VPS51: variants seen among roughly 807,000 people sequenced by gnomAD.
VPS51 encodes the protein VPS51 subunit of GARP complex.
Under a neutral mutation model 65.1 loss-of-function variants are expected in VPS51, and 55 were observed. The ratio of observed to expected loss-of-function variants is 0.84; its 90% CI spans 0.68 to 1.06. The LOEUF is 1.06. Ranked by LOEUF, VPS51 falls within the 50% of genes least tolerant of loss-of-function variation. The pLI is 0.00. For synonymous variants in VPS51, 473 were observed against 489.5 expected, an observed-to-expected ratio of 0.97 and a Z score of 0.44; for missense variants, 943 against 1,101.6, an observed-to-expected ratio of 0.86 and a Z score of 2.04.
Position 65,111,809 on chromosome 11 carries a change from T to G in VPS51, c.*222T>G. 1.0e-6 allele frequency: 1 copy of G among 952,854 alleles called. No individual in the cohort carries two copies. The highest frequency in any genetic ancestry group is 1.7e-5 in the African/African-American group (1 of 60,516). 59.0% of individuals were successfully genotyped at this position (952,854 alleles called of 1,614,324 possible). A position where few individuals can be genotyped will look rare whatever the true frequency, so the allele number is the denominator to read the frequency against. On this transcript the variant is annotated 3_prime_UTR_variant, in exon 10 of 10. Coordinates refer to ENST00000279281, the MANE Select transcript of VPS51 (RefSeq NM_013265.4). Reference sequence around the variant, plus strand: ...GCCCCCGAGCGCCGATTGGCTGGTGTGCTGGGCCCAGCATGGGCAGGGGGC... The same window carrying G: ...GCCCCCGAGCGCCGATTGGCTGGTGGGCTGGGCCCAGCATGGGCAGGGGGC...
In VPS51 at chr11:65,111,676, A is replaced by T; in HGVS notation, c.*89A>T. ...TGGTCCTTCCCCGCAGGCAGGTGTC[A>T]GGACCGGCCTAATAAACATGTGTGG... On this transcript the variant is annotated 3_prime_UTR_variant, in exon 10 of 10. Coordinates refer to ENST00000279281, the MANE Select transcript of VPS51 (RefSeq NM_013265.4). 6.8e-7 allele frequency: 1 copy of T among 1,468,032 alleles called. No homozygotes were observed. Among genetic ancestry groups the T allele is most frequent in the Non-Finnish European group, 9.0e-7 (1 of 1,110,566 alleles). 90.9% of individuals were successfully genotyped at this position (1,468,032 alleles called of 1,614,324 possible). A position where few individuals can be genotyped will look rare whatever the true frequency, so the allele number is the denominator to read the frequency against.
Position 65,097,088 on chromosome 11 carries a change from C to T in VPS51, c.319C>T (p.Leu107=), listed in dbSNP as rs1947776316. 1 of 1,613,850 alleles carries T rather than the reference C, an allele frequency of 6.2e-7. No homozygotes were observed. Among genetic ancestry groups the T allele is most frequent in the South Asian group, 1.1e-5 (1 of 91,056 alleles). ...IRALDSDMQT[L]VYENYNKFIS... Reference sequence around the variant, plus strand: ...GGCTCTAGACAGCGACATGCAGACCCTGGTCTATGAGAACTACAACAAGTT... The same window carrying T: ...GGCTCTAGACAGCGACATGCAGACCTTGGTCTATGAGAACTACAACAAGTT... The change falls in exon 2 of 10, where the codon CTG becomes TTG. Residue 107 remains leucine (L), a synonymous_variant. Transcript: ENST00000279281.
Position 65,096,359 on chromosome 11 carries a change from C to G in VPS51, c.109C>G (p.Leu37Val), listed in dbSNP as rs1590808529. 3.9e-6 allele frequency: 6 copies of G among 1,533,206 alleles called. No homozygotes were observed. In the East Asian group the frequency reaches 1.5e-4, roughly 38 times the overall value. The allele number at this position is 1,533,206 out of a possible 1,614,324, so 95.0% of individuals were successfully genotyped here. Residue 37 changes from leucine (L) to valine (V), a missense_variant, in exon 1 of 10, where the codon CTG becomes GTG. Coordinates refer to ENST00000279281, the MANE Select transcript of VPS51 (RefSeq NM_013265.4). ...PERRRKAHGM[L>V]KLYYGLSEGE... ...GCGTCGGCGGAAGGCGCACGGGATG[C>G]TGAAGCTTTACTACGGCCTCTCGGA... is the stretch of plus-strand genomic sequence containing the variant.
At chr11:65,103,799 C>T (rs1947824375) in intron 2 of VPS51, among the ~76,000 whole-genome samples, 1 of 151,976 alleles carries the variant, frequency 6.6e-6, no homozygotes, top group African/African-American at 2.4e-5. Flanking sequence ...TTTGCATAAC[C>T]ACCAGCAAAG....
rs769010963 is a variant in VPS51, at chr11:65,108,566, C to T, written c.1095C>T (p.Asn365=). 6.4e-6 allele frequency: 10 copies of T among 1,561,324 alleles called. No individual in the cohort carries two copies. In the East Asian group the frequency reaches 2.3e-4, roughly 36 times the overall value. ...RLAQEQGGGD[N]SLLVRALDRF... is the part of the protein sequence containing the mutation. ...CGCAGGAGCAGGGTGGTGGTGACAA[C>T]TCACTGCTGGTGCGGGCGCTGGACC... Residue 365 remains asparagine (N), a synonymous_variant, in exon 5 of 10, where the codon AAC becomes AAT. Transcript: ENST00000279281.
rs755171676 is a variant in VPS51, at chr11:65,107,987, G to A, written c.690G>A (p.Thr230=). The A allele has an allele frequency of 6.1e-5, 94 of 1,551,310 alleles. No homozygotes were observed. The highest frequency in any genetic ancestry group is 7.4e-5 in the Non-Finnish European group (85 of 1,149,868). Residue 230 remains threonine, a synonymous_variant, in exon 4 of 10, where the codon ACG becomes ACA. Transcript: ENST00000279281. This position sits in a 1 kb window ranked among gnomAD's most constrained non-coding sequence, Gnocchi z 4.0. ...TCCAGGACGACTGCCAGGTCATCAC[G>A]GCCCGCCTGGCCCAGCAGCTGCGGC... The part of the protein sequence containing the change: ...RAIQDDCQVI[T]ARLAQQLRQR...
intron 1 of VPS51, 130 bp downstream of exon 1, chr11:65,096,608 G>A: frequency 2.4e-6 from 2 of 836,040 alleles, no homozygotes; most frequent in Non-Finnish European, 3.6e-6. Flanking sequence ...ATAAGAGGAC[G>A]AACCTCGGCC....
At position 65,110,607 on chromosome 11, in the gene VPS51, T is replaced by TG; in HGVS notation, c.2000+6dup. On this transcript the variant is annotated splice_donor_region_variant and intron_variant, in intron 8 of 9. Transcript: ENST00000279281. ...ACGCCCCCAGCTATACCCCCAGGTC[T>TG]GGCTGGTCAGGGGAGCCCCAGGGGG... The TG allele has an allele frequency of 1.2e-6, 2 of 1,614,054 alleles. No individual in the cohort carries two copies. Among genetic ancestry groups the TG allele is most frequent in the East Asian group, 4.5e-5 (2 of 44,882 alleles).
In VPS51 at chr11:65,096,490, CG is replaced by C; in HGVS notation, c.228+16del. 2.0e-6 allele frequency: 1 copy of C among 487,926 alleles called. No homozygotes were observed. Among genetic ancestry groups the C allele is most frequent in the Non-Finnish European group, 3.1e-6 (1 of 318,112 alleles). 30.2% of individuals were successfully genotyped at this position (487,926 alleles called of 1,614,324 possible). A position where few individuals can be genotyped will look rare whatever the true frequency, so the allele number is the denominator to read the frequency against. ...TTTACCTAGACAAGGTGTGTGCGCA[CG>C]GGGAGTGGGGGGGTGCGGGGAGGGG... On this transcript the variant is annotated intron_variant, in intron 1 of 9. Coordinates refer to ENST00000279281, the MANE Select transcript of VPS51 (RefSeq NM_013265.4).
chr11:65,107,855 C>A lies in VPS51; in HGVS notation c.558C>A (p.Arg186=). ...AGTTCCTCTTTGAGCTGCCCTCGCG[C>A]CTCACCAAGTGCGTGGAACTGGGCG... is the stretch of plus-strand genomic sequence containing the variant. ...KLQFLFELPS[R]LTKCVELGAY... Residue 186 remains arginine (R), a synonymous_variant, in exon 4 of 10, where the codon CGC becomes CGA. Coordinates refer to ENST00000279281, the MANE Select transcript of VPS51 (RefSeq NM_013265.4). This position sits in a 1 kb window ranked among gnomAD's most constrained non-coding sequence, Gnocchi z 4.0. 1 of 1,552,430 alleles carries A rather than the reference C, an allele frequency of 6.4e-7. No individual in the cohort carries two copies. The highest frequency in any genetic ancestry group is 2.4e-5 in the East Asian group (1 of 41,108).
rs182329166 is a variant in VPS51 at position 65,097,595 on chromosome 11, A to G, written c.358+468A>G. On this transcript the variant is annotated intron_variant, in intron 2 of 9. Coordinates refer to ENST00000279281, the MANE Select transcript of VPS51 (RefSeq NM_013265.4). The stretch of plus-strand genomic sequence containing the variant: ...GCCAGGCATGGTGGCTCATGCCTGT[A>G]ATCCCAGCACTTTGGGAGGCTGAAG... Among the ~76,000 whole-genome samples, 294 of 152,308 alleles carry G rather than the reference A, an allele frequency of 1.9e-3. 1 individual carries two copies. The highest frequency in any genetic ancestry group is 3.3e-3 in the Non-Finnish European group (225 of 68,022).
Position 65,107,506 on chromosome 11 carries a change from G to T in VPS51, c.359-75G>T. On this transcript the variant is annotated intron_variant, in intron 2 of 9. Coordinates refer to ENST00000279281, the MANE Select transcript of VPS51 (RefSeq NM_013265.4). This position sits in a 1 kb window ranked among gnomAD's most constrained non-coding sequence, Gnocchi z 4.0. ...CAAGCTGGGGCGTCTGTGAAGGGGT[G>T]GGTGAGAAGGAGCTGAGGTTGCGCC... 1 of 1,518,116 alleles carries T rather than the reference G, an allele frequency of 6.6e-7. No homozygotes were observed. Among genetic ancestry groups the T allele is most frequent in the East Asian group, 2.3e-5 (1 of 43,818 alleles). 94.0% of individuals were successfully genotyped at this position (1,518,116 alleles called of 1,614,324 possible).
Position 65,109,803 on chromosome 11 carries a change from C to T in VPS51, c.1758C>T (p.Val586=), listed in dbSNP as rs370597813. The change falls in exon 7 of 10, where the codon GTC becomes GTT. Residue 586 remains valine (V), a synonymous_variant. Coordinates refer to ENST00000279281, the MANE Select transcript of VPS51 (RefSeq NM_013265.4). ...ACTACGTGAAGGTGCAGGGCCTGGT[C>T]ATATCACAGATGCTGCGCAAGAGCG... ...LTHYVKVQGL[V]ISQMLRKSVE... is the part of the protein sequence containing the mutation. 338 of 1,609,206 alleles carry T rather than the reference C, an allele frequency of 2.1e-4. 1 individual carries two copies. Among genetic ancestry groups the T allele is most frequent in the Non-Finnish European group, 2.0e-4 (237 of 1,178,494 alleles).
At chr11:65,101,762 CAAA>C (rs1165429983) in intron 2 of VPS51, among the ~76,000 whole-genome samples, 5 of 26,336 alleles carry the variant, frequency 1.9e-4, no homozygotes, top group Admixed American at 6.2e-4. Flanking sequence ...GACCTTGTCT[CAAA>C]AAAAAAAAAA....
In VPS51 at chr11:65,111,707, T is replaced by A. The variant is rs3180595; in HGVS notation, c.*120T>A. 1 of 1,396,250 alleles carries A rather than the reference T, an allele frequency of 7.2e-7. No homozygotes were observed. Among genetic ancestry groups the A allele is most frequent in the Non-Finnish European group, 9.4e-7 (1 of 1,061,944 alleles). The allele number at this position is 1,396,250 out of a possible 1,614,324, so 86.5% of individuals were successfully genotyped here. ...GGCCTAATAAACATGTGTGGCCTCC[T>A]CCTCTCGCTTGCTGGGCGGGCCTTT... On this transcript the variant is annotated 3_prime_UTR_variant, in exon 10 of 10. Coordinates refer to ENST00000279281, the MANE Select transcript of VPS51 (RefSeq NM_013265.4).
In VPS51 at chr11:65,107,636, G is replaced by GT. The variant is rs761151320; in HGVS notation, c.414_415insT (p.Leu139SerfsTer44). On this transcript the variant is annotated frameshift_variant, in exon 3 of 10. Coordinates refer to ENST00000279281, the MANE Select transcript of VPS51 (RefSeq NM_013265.4). LOFTEE classifies it high-confidence loss of function. This position sits in a 1 kb window ranked among gnomAD's most constrained non-coding sequence, Gnocchi z 4.0. ...GGAAGATGGAGGATGAGATGGACCGGCTGGCCACCAACATGGCAGTGATCA... is the reference window on the plus strand; with the variant it reads ...GGAAGATGGAGGATGAGATGGACCGGTCTGGCCACCAACATGGCAGTGATCA... 6.2e-7 allele frequency: 1 copy of GT among 1,604,914 alleles called. No individual in the cohort carries two copies. Among genetic ancestry groups the GT allele is most frequent in the Non-Finnish European group, 8.5e-7 (1 of 1,172,710 alleles).
chr11:65,096,537 C>A, intron 1 of VPS51, 59 bp downstream of exon 1: 1 of 1,346,732 alleles, frequency 7.4e-7, no homozygotes, highest in Non-Finnish European at 1.0e-6. Context: ...CAGGCCCCTG[C>A]TATATTGCTC....
chr11:65,108,758 G>A lies in VPS51; in HGVS notation c.1287G>A (p.Leu429=). The stretch of plus-strand genomic sequence containing the variant: ...GCCTGACAGACGTCCGCCAGGCGCT[G>A]GCAGCACCTCGCGTGGCTGGGAAGG... ...LGCLTDVRQA[L]AAPRVAGKEG... is the part of the protein sequence containing the mutation. The change falls in exon 5 of 10, where the codon CTG becomes CTA. Residue 429 remains leucine (L), a synonymous_variant. Transcript: ENST00000279281. 6.2e-7 allele frequency: 1 copy of A among 1,612,172 alleles called. No homozygotes were observed. Among genetic ancestry groups the A allele is most frequent in the Non-Finnish European group, 8.5e-7 (1 of 1,179,864 alleles).
chr11:65,096,920 G>A (rs898563057), intron 1 of VPS51, 78 bp from the exon 2 acceptor site: 2 of 1,580,346 alleles, frequency 1.3e-6, no homozygotes, highest in Non-Finnish European at 1.7e-6. Context: ...TTCTTGCCCT[G>A]AAAGCCTATC....
Sources: allele counts gnomAD v4.1 joint callset (sites outside exome capture counted in the v4.1 genomes callset), GRCh38; gene constraint gnomAD v4.1.1; non-coding constraint Gnocchi (gnomAD v3.1); transcripts MANE v1.5; gene names NCBI Gene and HGNC (gene_info 2026-07-23, HGNC 2026-07-21).